PPARGC1A: variants seen among roughly 807,000 people sequenced by gnomAD.
PPARGC1A encodes the protein peroxisome proliferator-activated receptor gamma coactivator 1-alpha.
Under a neutral mutation model 88.7 loss-of-function variants are expected in PPARGC1A, and 25 were observed. That is an observed-to-expected ratio of 0.28 (90% CI 0.21 to 0.39). PPARGC1A has a LOEUF of 0.39. PPARGC1A is among the 10% of genes least tolerant of loss of function. The pLI, the probability that PPARGC1A is intolerant of heterozygous loss-of-function variation, is 1.00. For missense variants in PPARGC1A, 880 were observed against 968.7 expected (o/e 0.91, Z 1.22); for synonymous variants, 363 against 355.6 (o/e 1.02, Z -0.24).
chr4:23,870,364 T>C (rs533112205), intron 2 of PPARGC1A, among the ~76,000 whole-genome samples: 35 of 152,342 alleles, frequency 2.3e-4, no homozygotes, highest in South Asian at 1.7e-3. Flanking sequence ...AATGACTGTA[T>C]GGACCTATTG....
chr4:24,270,325 C>CTGTGTGTGTGTGTGTG, the PPARGC1A span, among the ~76,000 whole-genome samples: 51 of 67,346 alleles, frequency 7.6e-4, no homozygotes, highest in African/African-American at 2.9e-3. Context: ...CTCTCTCTCT[C>CTGTGTGTGTGTGTGTG]TCTCTCTCTG....
the PPARGC1A span, among the ~76,000 whole-genome samples, chr4:24,170,920 T>C: frequency 6.6e-6 from 1 of 152,316 alleles, no homozygotes; most frequent in South Asian, 2.1e-4. Context: ...TTATTCTTTC[T>C]GCTTCTGCTC....
the PPARGC1A span, among the ~76,000 whole-genome samples, chr4:24,231,345 G>A: frequency 2.0e-5 from 3 of 152,168 alleles, no homozygotes; most frequent in Non-Finnish European, 4.4e-5. Flanking sequence ...ATTTTGTGAC[G>A]CAAGGGTAGC....
chr4:24,346,976 T>C, the PPARGC1A span, among the ~76,000 whole-genome samples: 5 of 152,182 alleles, frequency 3.3e-5, no homozygotes, highest in Non-Finnish European at 5.9e-5. Context: ...TCTATCATTA[T>C]TGTCATTCAG....
chr4:24,088,365 A>T, the PPARGC1A span, among the ~76,000 whole-genome samples: 3 of 152,208 alleles, frequency 2.0e-5, no homozygotes, highest in South Asian at 2.1e-4. Flanking sequence ...CTATCTAAAA[A>T]AAAAGAAAGA....
At chr4:24,030,964 A>C in the PPARGC1A span, among the ~76,000 whole-genome samples, 2 of 152,176 alleles carry the variant, frequency 1.3e-5, no homozygotes, top group African/African-American at 4.8e-5. Context: ...GCAGGGAAGC[A>C]GACAGATATG....
At chr4:24,388,462 A>C in the PPARGC1A span, among the ~76,000 whole-genome samples, 1 of 152,234 alleles carries the variant, frequency 6.6e-6, no homozygotes, top group Non-Finnish European at 1.5e-5. Context: ...CAGCCATCCC[A>C]TTACTGGGTA....
the PPARGC1A span, among the ~76,000 whole-genome samples, chr4:23,946,626 AC>A: frequency 1.3e-5 from 2 of 152,160 alleles, no homozygotes; most frequent in Admixed American, 1.3e-4. Context: ...TGCAACCCAG[AC>A]ATGCAAGAAA....
At chr4:23,949,433 C>T in the PPARGC1A span, among the ~76,000 whole-genome samples, 1 of 152,154 alleles carries the variant, frequency 6.6e-6, no homozygotes, top group Admixed American at 6.5e-5. Flanking sequence ...CAGCTTTCAG[C>T]AACATCCCCC....
chr4:24,049,281 T>C, the PPARGC1A span, among the ~76,000 whole-genome samples: 4,273 of 129,168 alleles, frequency 0.033, 209 homozygotes, highest in African/African-American at 0.11. Flanking sequence ...TATATACACA[T>C]ATATATGTGT....
At chr4:24,177,699 G>A in the PPARGC1A span, among the ~76,000 whole-genome samples, 4 of 148,252 alleles carry the variant, frequency 2.7e-5, no homozygotes, top group East Asian at 2.0e-4. Context: ...AAAGAATCTC[G>A]GACTTCTTAG....
At position 23,793,267 on chromosome 4, in the gene PPARGC1A, G is replaced by T. The variant is rs1310138334; in HGVS notation, c.*2555C>A. 1.3e-5 allele frequency: 2 copies of T among 152,506 alleles called. No individual in the cohort carries two copies. Among genetic ancestry groups the T allele is most frequent in the African/African-American group, 2.4e-5 (1 of 41,432 alleles). 9.4% of individuals were successfully genotyped at this position (152,506 alleles called of 1,614,324 possible). A position where few individuals can be genotyped will look rare whatever the true frequency, so the allele number is the denominator to read the frequency against. On this transcript the variant is annotated 3_prime_UTR_variant, in exon 13 of 13. Coordinates refer to ENST00000264867, the MANE Select transcript of PPARGC1A (RefSeq NM_013261.5). ...TGGCGTTCACACAGTTAAAATACCTGCATTTAACCTACAGAACAACAAGAA... is the reference window on the plus strand; with the variant it reads ...TGGCGTTCACACAGTTAAAATACCTTCATTTAACCTACAGAACAACAAGAA...
chr4:24,121,959 G>A, the PPARGC1A span, among the ~76,000 whole-genome samples: 44 of 152,066 alleles, frequency 2.9e-4, no homozygotes, highest in African/African-American at 8.2e-4. Flanking sequence ...TTCAAGACTC[G>A]AAGTGACTGG....
chr4:24,195,908 A>G, the PPARGC1A span, among the ~76,000 whole-genome samples: 56 of 152,362 alleles, frequency 3.7e-4, no homozygotes, highest in South Asian at 1.0e-3. Flanking sequence ...CTTGTACCTC[A>G]GAGCATCAAG....
At chr4:23,816,453 G>T (rs1322765234) in intron 7 of PPARGC1A, among the ~76,000 whole-genome samples, 1 of 151,846 alleles carries the variant, frequency 6.6e-6, no homozygotes, top group Non-Finnish European at 1.5e-5. Context: ...ATTTTCACTT[G>T]CTTTATTTAC....
At chr4:24,116,987 AAAC>A in the PPARGC1A span, among the ~76,000 whole-genome samples, 1 of 152,190 alleles carries the variant, frequency 6.6e-6, no homozygotes, top group Non-Finnish European at 1.5e-5. Context: ...TAAAAACAAA[AAAC>A]AACAACCACA....
the PPARGC1A span, among the ~76,000 whole-genome samples, chr4:24,053,471 T>G: frequency 6.9e-6 from 1 of 144,486 alleles, no homozygotes; most frequent in Non-Finnish European, 1.5e-5. Context: ...TCTTTAGGCC[T>G]TAGGAGAATC....
chr4:23,852,486 A>G (rs996860042), intron 2 of PPARGC1A, among the ~76,000 whole-genome samples: 1 of 152,056 alleles, frequency 6.6e-6, no homozygotes, highest in African/African-American at 2.4e-5. Flanking sequence ...GCTCCCCATC[A>G]AGGCCACATC....
the PPARGC1A span, among the ~76,000 whole-genome samples, chr4:24,333,937 CAACAAAA>C: frequency 4.9e-3 from 51 of 10,368 alleles, no homozygotes; most frequent in African/African-American, 8.0e-3. Context: ...CCAACAACAA[CAACAAAA>C]AAAAAAAAAA....
Sources: allele counts gnomAD v4.1 joint callset (sites outside exome capture counted in the v4.1 genomes callset), GRCh38; gene constraint gnomAD v4.1.1; transcripts MANE v1.5; gene names NCBI Gene and HGNC (gene_info 2026-07-23, HGNC 2026-07-21).